Variants in PANX2 observed in about 807,000 individuals in gnomAD.
PANX2 encodes the protein pannexin 2, also known as pannexin-2.
A neutral mutation model predicts 38.7 loss-of-function variants in PANX2; 30 were observed. That is an observed-to-expected ratio of 0.78 (90% CI 0.58 to 1.05). The LOEUF (loss-of-function observed/expected upper bound fraction) is 1.05, where lower values mean the gene tolerates loss of function less well. PANX2 is among the 50% of genes least tolerant of loss of function. The pLI is 0.00. For missense variants in PANX2, 880 were observed against 979.3 expected (o/e 0.90, Z 1.35); for synonymous variants, 539 against 472.1 (o/e 1.14, Z -1.84).
In PANX2 at chr22:50,179,366, C is replaced by A; in HGVS notation, c.*89C>A. 2 of 1,222,090 alleles carry A rather than the reference C, an allele frequency of 1.6e-6. No individual in the cohort carries two copies. The highest frequency in any genetic ancestry group is 2.3e-6 in the Non-Finnish European group (2 of 858,300). 75.7% of individuals were successfully genotyped at this position (1,222,090 alleles called of 1,614,324 possible). A position where few individuals can be genotyped will look rare whatever the true frequency, so the allele number is the denominator to read the frequency against. ...CCGGTGGACACCAGCCCTGCGTGGA[C>A]GTGGCCTGTGCTTCGCCCGCACTGC... On this transcript the variant is annotated 3_prime_UTR_variant, in exon 3 of 3. Transcript: ENST00000395842.
At chr22:50,173,565 G>T (rs1009658338) in intron 1 of PANX2, among the ~76,000 whole-genome samples, 1 of 152,262 alleles carries the variant, frequency 6.6e-6, no homozygotes, top group African/African-American at 2.4e-5. Context: ...GGTGGGCTGG[G>T]GAAGGGTCTC....
At position 50,177,202 on chromosome 22, in the gene PANX2, T is replaced by G. The variant is rs758589956; in HGVS notation, c.490T>G (p.Cys164Gly). ...LNFLLQEIDN[C>G]YHRAAEGRAP... ...CTTCCTGCTGCAGGAGATCGACAAC[T>G]GTTACCACCGGGCGGCCGAGGGCCG... The change falls in exon 2 of 3, where the codon TGT (cysteine) becomes GGT (glycine). Residue 164 changes from cysteine (C) to glycine (G), a missense_variant. Cys to Gly is a radical substitution (Grantham distance 159, BLOSUM62 -3). Around this residue, in one of 4 missense-constraint regions of PANX2, gnomAD observed 243 missense variants for 333.1 expected, o/e 0.73. Coordinates refer to ENST00000395842, the MANE Select transcript of PANX2 (RefSeq NM_052839.4). 2 of 1,610,884 alleles carry G rather than the reference T, an allele frequency of 1.2e-6. No individual in the cohort carries two copies. The highest frequency in any genetic ancestry group is 1.7e-5 in the Admixed American group (1 of 59,688).
chr22:50,178,206 C>T lies in PANX2; in HGVS notation c.1494C>T (p.Ala498=). ...ACCCGGGCCCCGGCCCCGCCCCTGC[C>T]CCCGCCCCGCCGCCCGCCCCTGACA... The part of the protein sequence containing the change: ...GGDPGPGPAP[A]PAPPPAPDKK... The change falls in exon 2 of 3, where the codon GCC becomes GCT. Residue 498 remains alanine, a synonymous_variant. Coordinates refer to ENST00000395842, the MANE Select transcript of PANX2 (RefSeq NM_052839.4). The T allele has an allele frequency of 7.5e-6, 11 of 1,457,882 alleles. No homozygotes were observed. The highest frequency in any genetic ancestry group is 8.1e-6 in the Non-Finnish European group (9 of 1,112,536). 90.3% of individuals were successfully genotyped at this position (1,457,882 alleles called of 1,614,324 possible). A position where few individuals can be genotyped will look rare whatever the true frequency, so the allele number is the denominator to read the frequency against.
chr22:50,174,631 G>T (rs1466509675), intron 1 of PANX2, among the ~76,000 whole-genome samples: 3 of 152,216 alleles, frequency 2.0e-5, no homozygotes, highest in African/African-American at 7.2e-5. Flanking sequence ...GGCTCTGTCT[G>T]CCCTGTTGGA....
At chr22:50,175,583 C>A in intron 1 of PANX2, 1 of 510,936 alleles carries the variant, frequency 2.0e-6, no homozygotes, top group Non-Finnish European at 3.2e-6. Flanking sequence ...TCGATGTCCC[C>A]ACCGAGGACT....
chr22:50,173,112 G>A (rs773626319), intron 1 of PANX2, among the ~76,000 whole-genome samples: 1 of 152,088 alleles, frequency 6.6e-6, no homozygotes, highest in Non-Finnish European at 1.5e-5. Flanking sequence ...TGGCCAGGAT[G>A]GTCTCGATCT....
chr22:50,179,461 G>T lies in PANX2; in HGVS notation c.*184G>T. On this transcript the variant is annotated 3_prime_UTR_variant, in exon 3 of 3. Transcript: ENST00000395842. Reference sequence around the variant, plus strand: ...ACGTGCTCGACAGGGGAACCCGCCCGGACGGCATCGCCAGGCACTGGCTGG... The same window carrying T: ...ACGTGCTCGACAGGGGAACCCGCCCTGACGGCATCGCCAGGCACTGGCTGG... The T allele has an allele frequency of 1.7e-6, 1 of 591,360 alleles. No homozygotes were observed. Among genetic ancestry groups the T allele is most frequent in the South Asian group, 2.1e-5 (1 of 48,124 alleles). 36.6% of individuals were successfully genotyped at this position (591,360 alleles called of 1,614,324 possible).
At position 50,178,088 on chromosome 22, in the gene PANX2, A is replaced by G; in HGVS notation, c.1376A>G (p.Lys459Arg). The G allele has an allele frequency of 6.4e-7, 1 of 1,552,002 alleles. No individual in the cohort carries two copies. Among genetic ancestry groups the G allele is most frequent in the East Asian group, 2.4e-5 (1 of 41,746 alleles). Residue 459 changes from lysine (K) to arginine (R), a missense_variant, in exon 2 of 3, where the codon AAG becomes AGG. Coordinates refer to ENST00000395842, the MANE Select transcript of PANX2 (RefSeq NM_052839.4). ...IMRVENSKAE[K>R]PKPARRKTAT... ...CGCGTGGAGAACAGCAAGGCGGAGA[A>G]GCCGAAGCCCGCGCGCAGGAAGACG...
At chr22:50,176,013 A>G (rs985145533) in intron 1 of PANX2, among the ~76,000 whole-genome samples, 2 of 152,148 alleles carry the variant, frequency 1.3e-5, no homozygotes, top group African/African-American at 4.8e-5. Context: ...GGGCTGGGAG[A>G]CAAGGCTGAG....
At chr22:50,172,057 C>T (rs1053547657) in intron 1 of PANX2, among the ~76,000 whole-genome samples, 1 of 152,158 alleles carries the variant, frequency 6.6e-6, no homozygotes, top group East Asian at 1.9e-4. Flanking sequence ...GGAGGCCAGA[C>T]CCCGGGGATT....
At position 50,178,277 on chromosome 22, in the gene PANX2, T is replaced by TCGGCACCAAGAAGGCCAAGGC; in HGVS notation, c.1568_1588dup (p.Gly523_Ala529dup). 7.0e-7 allele frequency: 1 copy of TCGGCACCAAGAAGGCCAAGGC among 1,430,850 alleles called. No homozygotes were observed. Among genetic ancestry groups the TCGGCACCAAGAAGGCCAAGGC allele is most frequent in the Non-Finnish European group, 9.2e-7 (1 of 1,081,504 alleles). The allele number at this position is 1,430,850 out of a possible 1,614,324, so 88.6% of individuals were successfully genotyped here. ...TCCCTGGACGTGCACCCCTACATCC[T>TCGGCACCAAGAAGGCCAAGGC]CGGCACCAAGAAGGCCAAGGCCGAG... On this transcript the variant is annotated inframe_insertion, in exon 2 of 3. Transcript: ENST00000395842.
intron 1 of PANX2, 77 bp downstream of exon 1, chr22:50,171,033 T>C (rs2063626933): frequency 1.4e-6 from 1 of 740,138 alleles, no homozygotes; most frequent in Non-Finnish European, 2.0e-6. Context: ...GCTTCCCGCG[T>C]CCCCGGCGGC....
Position 50,179,501 on chromosome 22 carries a change from G to C in PANX2, c.*224G>C. On this transcript the variant is annotated 3_prime_UTR_variant, in exon 3 of 3. Transcript: ENST00000395842. Reference sequence around the variant, plus strand: ...GCACTGGCTGGGGTGGGGAAAGGTGGCCCAGTGGAGCCGGTGGCCAGGAAG... The same window carrying C: ...GCACTGGCTGGGGTGGGGAAAGGTGCCCCAGTGGAGCCGGTGGCCAGGAAG... 1.8e-6 allele frequency: 1 copy of C among 547,250 alleles called. No homozygotes were observed. The highest frequency in any genetic ancestry group is 3.2e-6 in the Non-Finnish European group (1 of 309,846). 33.9% of individuals were successfully genotyped at this position (547,250 alleles called of 1,614,324 possible).
intron 1 of PANX2, among the ~76,000 whole-genome samples, chr22:50,173,303 G>A (rs1470653432): frequency 2.6e-5 from 4 of 152,262 alleles, no homozygotes; most frequent in Non-Finnish European, 5.9e-5. Context: ...AAATTGCTGG[G>A]ATTACAGGCA....
At chr22:50,171,432 G>T (rs182106444) in intron 1 of PANX2, among the ~76,000 whole-genome samples, 11 of 152,278 alleles carry the variant, frequency 7.2e-5, no homozygotes, top group African/African-American at 2.6e-4. Context: ...TCTCTGAGAG[G>T]CCCAGGCCCT....
At chr22:50,174,998 G>A (rs1275198443) in intron 1 of PANX2, among the ~76,000 whole-genome samples, 2 of 152,198 alleles carry the variant, frequency 1.3e-5, no homozygotes, top group Non-Finnish European at 2.9e-5. Flanking sequence ...GACATGCCTT[G>A]GGGCCCCCAA....
chr22:50,179,115 G>A lies in PANX2; in HGVS notation c.1872G>A (p.Pro624=), dbSNP rs114447696. ...LTILSRNATH[P]LLHINTLYEA... ...TCCTGAGCCGAAACGCCACACACCC[G>A]CTGCTGCACATCAACACGCTGTACG... Residue 624 remains proline, a synonymous_variant, in exon 3 of 3, where the codon CCG becomes CCA. Coordinates refer to ENST00000395842, the MANE Select transcript of PANX2 (RefSeq NM_052839.4). 83 of 1,611,946 alleles carry A rather than the reference G, an allele frequency of 5.1e-5. No individual in the cohort carries two copies. In the East Asian group the frequency reaches 1.3e-3, roughly 25 times the overall value.
chr22:50,179,029 G>T lies in PANX2; in HGVS notation c.1786G>T (p.Ala596Ser). 1 of 1,610,324 alleles carries T rather than the reference G, an allele frequency of 6.2e-7. No individual in the cohort carries two copies. The highest frequency in any genetic ancestry group is 1.7e-5 in the Admixed American group (1 of 59,818). ...GGPFHVRSPP[A>S]APAVAPLTPA... Reference sequence around the variant, plus strand: ...CCCGTTCCACGTCCGCTCACCTCCCGCCGCCCCTGCTGTGGCCCCTCTGAC... The same window carrying T: ...CCCGTTCCACGTCCGCTCACCTCCCTCCGCCCCTGCTGTGGCCCCTCTGAC... Residue 596 changes from alanine (A) to serine (S), a missense_variant, in exon 3 of 3, where the codon GCC becomes TCC. Physicochemically the swap from Ala to Ser is moderately conservative, Grantham distance 99 (BLOSUM62 1). Coordinates refer to ENST00000395842, the MANE Select transcript of PANX2 (RefSeq NM_052839.4).
intron 1 of PANX2, among the ~76,000 whole-genome samples, chr22:50,171,178 A>G (rs2147056259): frequency 6.6e-6 from 1 of 152,214 alleles, no homozygotes; most frequent in Admixed American, 6.5e-5. Context: ...TCTTCCTTCC[A>G]TTCGTCCGCC....
Sources: gnomAD v4.1 joint callset for allele counts (sites outside exome capture counted in the v4.1 genomes callset) on GRCh38, gnomAD v4.1.1 for gene constraint, gnomAD v4.1.1 regional missense constraint, MANE v1.5 for transcripts, NCBI Gene and HGNC (gene_info 2026-07-23, HGNC 2026-07-21) for gene names.